Variants in HKDC1 observed in about 807,000 individuals in gnomAD.
HKDC1 encodes the protein hexokinase domain containing 1.
In HKDC1, 66 loss-of-function variants were observed where a neutral mutation model predicts 96.6. That is an observed-to-expected ratio of 0.68 (90% CI 0.56 to 0.84). The LOEUF (loss-of-function observed/expected upper bound fraction) is 0.84, where lower values mean the gene tolerates loss of function less well. Ranked by LOEUF, HKDC1 falls within the 40% of genes least tolerant of loss-of-function variation. HKDC1 has a pLI of 0.00. For missense variants in HKDC1, 1,211 were observed against 1,208.1 expected (o/e 1.00, Z -0.04); for synonymous variants, 466 against 473.1 (o/e 0.98, Z 0.20).
rs1252412873 is a variant in HKDC1, at chr10:69,267,439, A to G, written c.*682A>G. The G allele has an allele frequency of 1.8e-5, 8 of 455,008 alleles. No individual in the cohort carries two copies. The highest frequency in any genetic ancestry group is 9.3e-5 in the South Asian group (6 of 64,248). The allele number at this position is 455,008 out of a possible 1,614,324, so 28.2% of individuals were successfully genotyped here. On this transcript the variant is annotated 3_prime_UTR_variant, in exon 18 of 18. Coordinates refer to ENST00000354624, the MANE Select transcript of HKDC1 (RefSeq NM_025130.4). Reference sequence around the variant, plus strand: ...CATGTGGTGGGGTGCTGTCTGGGGCATCTGTTTTTCATTTTGCCTGTGGTT... The same window carrying G: ...CATGTGGTGGGGTGCTGTCTGGGGCGTCTGTTTTTCATTTTGCCTGTGGTT...
At chr10:69,230,755 A>T (rs1319587719) in intron 2 of HKDC1, among the ~76,000 whole-genome samples, 1 of 152,166 alleles carries the variant, frequency 6.6e-6, no homozygotes. Context: ...CTGGGACTAC[A>T]GGTGCATGCC....
At chr10:69,229,886 A>G (rs1484440140) in intron 2 of HKDC1, among the ~76,000 whole-genome samples, 1 of 152,178 alleles carries the variant, frequency 6.6e-6, no homozygotes, top group Non-Finnish European at 1.5e-5. Flanking sequence ...TCAGGATTTA[A>G]TGAGATCATG....
chr10:69,234,638 C>G (rs545090874), intron 4 of HKDC1, among the ~76,000 whole-genome samples: 1 of 152,366 alleles, frequency 6.6e-6, no homozygotes, highest in South Asian at 2.1e-4. Context: ...TGTAAAGCAT[C>G]CAACACTGTG....
Position 69,267,233 on chromosome 10 carries a change from A to G in HKDC1, c.*476A>G. 3.2e-6 allele frequency: 1 copy of G among 312,952 alleles called. No individual in the cohort carries two copies. Among genetic ancestry groups the G allele is most frequent in the Non-Finnish European group, 6.2e-6 (1 of 162,366 alleles). 19.4% of individuals were successfully genotyped at this position (312,952 alleles called of 1,614,324 possible). A position where few individuals can be genotyped will look rare whatever the true frequency, so the allele number is the denominator to read the frequency against. On this transcript the variant is annotated 3_prime_UTR_variant, in exon 18 of 18. Coordinates refer to ENST00000354624, the MANE Select transcript of HKDC1 (RefSeq NM_025130.4). ...TCACGTTATGAACTAGGGGGATCTCATCTAACTTGTCCTTAACTTGCCATG... is the reference window on the plus strand; with the variant it reads ...TCACGTTATGAACTAGGGGGATCTCGTCTAACTTGTCCTTAACTTGCCATG...
chr10:69,228,485 A>G (rs1173384122), intron 2 of HKDC1, among the ~76,000 whole-genome samples: 1 of 152,128 alleles, frequency 6.6e-6, no homozygotes, highest in Non-Finnish European at 1.5e-5. Flanking sequence ...TTTTGCCTAC[A>G]ATGGCCTAGA....
At chr10:69,254,658 T>C (rs894716069) in intron 12 of HKDC1, among the ~76,000 whole-genome samples, 4 of 152,234 alleles carry the variant, frequency 2.6e-5, no homozygotes, top group Non-Finnish European at 4.4e-5. Context: ...GTGGTTTTAT[T>C]TTCGTGCAAT....
At chr10:69,258,173 A>G (rs1256535490) in intron 14 of HKDC1, among the ~76,000 whole-genome samples, 1 of 152,108 alleles carries the variant, frequency 6.6e-6, no homozygotes, top group Non-Finnish European at 1.5e-5. Context: ...CCACTTTGTG[A>G]GCTTGGGCAG....
intron 12 of HKDC1, among the ~76,000 whole-genome samples, chr10:69,253,747 G>C (rs556674123): frequency 6.6e-6 from 1 of 152,276 alleles, no homozygotes; most frequent in South Asian, 2.1e-4. Context: ...TGCTGGTAAT[G>C]GTGGTGAGGA....
chr10:69,238,021 T>G (rs1366909154), intron 4 of HKDC1, among the ~76,000 whole-genome samples: 1 of 152,240 alleles, frequency 6.6e-6, no homozygotes, highest in Non-Finnish European at 1.5e-5. Context: ...GTCTGAAACA[T>G]TCTATGATTA....
chr10:69,243,121 T>C, intron 6 of HKDC1, 61 bp from the exon 7 acceptor site: 1 of 1,541,040 alleles, frequency 6.5e-7, no homozygotes, highest in Non-Finnish European at 9.0e-7. Flanking sequence ...AGTCAAGAGT[T>C]CTCTGTCTGT....
intron 9 of HKDC1, 32 bp downstream of exon 9, chr10:69,247,625 A>T (rs780211005): frequency 3.8e-6 from 6 of 1,564,446 alleles, no homozygotes; most frequent in Non-Finnish European, 5.3e-6. Context: ...CGCCCCCACA[A>T]ATGAGTCTCC....
chr10:69,250,484 C>T (rs959793552), intron 11 of HKDC1, 49 bp downstream of exon 11: 2 of 1,612,818 alleles, frequency 1.2e-6, no homozygotes, highest in African/African-American at 2.7e-5. Context: ...GCCTGCCACC[C>T]TGCATCGATG....
At chr10:69,232,342 C>T (rs140923530) in intron 2 of HKDC1, 10 of 181,386 alleles carry the variant, frequency 5.5e-5, no homozygotes, top group East Asian at 3.1e-4. Context: ...GGCTGCTCCT[C>T]GCCGCACATC....
chr10:69,243,060 C>T (rs1843477512), intron 6 of HKDC1, 122 bp from the exon 7 acceptor site: 2 of 951,330 alleles, frequency 2.1e-6, no homozygotes. Flanking sequence ...CGAGAGCCAG[C>T]CCCCAGGGAA....
At position 69,220,452 on chromosome 10, in the gene HKDC1, T is replaced by C. The variant is rs539132157; in HGVS notation, c.17T>C (p.Leu6Ser). Reference sequence around the variant, plus strand: ...TTGGGGAAAATGTTTGCGGTCCACTTGATGGCATTTTACTTCAGCAAGCTG... The same window carrying C: ...TTGGGGAAAATGTTTGCGGTCCACTCGATGGCATTTTACTTCAGCAAGCTG... MFAVHLMAFYFSKLKE... is the reference protein window; with the variant it reads MFAVHSMAFYFSKLKE... Residue 6 changes from leucine to serine, a missense_variant, in exon 1 of 18, where the codon TTG becomes TCG. Physicochemically the swap from Leu to Ser is moderately radical, Grantham distance 145. Coordinates refer to ENST00000354624, the MANE Select transcript of HKDC1 (RefSeq NM_025130.4). 6.2e-7 allele frequency: 1 copy of C among 1,601,364 alleles called. No individual in the cohort carries two copies. Among genetic ancestry groups the C allele is most frequent in the Non-Finnish European group, 8.5e-7 (1 of 1,174,600 alleles).
chr10:69,232,989 G>C, intron 3 of HKDC1, 25 bp from the exon 4 acceptor site: 4 of 1,613,448 alleles, frequency 2.5e-6, no homozygotes, highest in Non-Finnish European at 3.4e-6. Flanking sequence ...CTTAGCCCAT[G>C]TACTTTGCTT....
chr10:69,243,501 T>C, intron 7 of HKDC1, 136 bp downstream of exon 7: 1 of 417,158 alleles, frequency 2.4e-6, no homozygotes. Flanking sequence ...TCTTTTTCCT[T>C]TTTTTTTTTT....
intron 2 of HKDC1, among the ~76,000 whole-genome samples, chr10:69,232,145 C>A (rs548823758): frequency 4.6e-5 from 7 of 152,306 alleles, no homozygotes; most frequent in Non-Finnish European, 8.8e-5. Flanking sequence ...GCCCAGCCCC[C>A]ACCTTTCAAT....
chr10:69,222,836 G>A (rs913334169), intron 1 of HKDC1: 1 of 152,194 alleles, frequency 6.6e-6, no homozygotes, highest in African/African-American at 2.4e-5. Flanking sequence ...GCTGAGTCAT[G>A]GTTCTGAGAA....
Sources: gnomAD v4.1 joint callset for allele counts (sites outside exome capture counted in the v4.1 genomes callset) on GRCh38, gnomAD v4.1.1 for gene constraint, MANE v1.5 for transcripts, NCBI Gene and HGNC (gene_info 2026-07-23, HGNC 2026-07-21) for gene names.